The following CNBD1 variants were observed in gnomAD, a reference collection of about 807,000 sequenced individuals.
CNBD1 encodes cyclic nucleotide-binding domain-containing protein 1.
A neutral mutation model predicts 54.4 loss-of-function variants in CNBD1; 71 were observed. The ratio of observed to expected loss-of-function variants is 1.30; its 90% CI spans 1.08 to 1.59. The LOEUF (loss-of-function observed/expected upper bound fraction) is 1.59, where lower values mean the gene tolerates loss of function less well. Among genes scored for constraint, CNBD1 ranks in the 40% most tolerant of loss-of-function variants. The pLI is 0.00. For missense variants in CNBD1, 659 were observed against 518.0 expected, an observed-to-expected ratio of 1.27 and a Z score of -2.64; for synonymous variants, 182 against 170.7, an observed-to-expected ratio of 1.07 and a Z score of -0.51.
In CNBD1 at chr8:87,349,673, C is replaced by T. The variant is rs183998618; in HGVS notation, c.1043-2012C>T. 9.9e-5 allele frequency among the ~76,000 whole-genome samples: 15 copies of T among 152,280 alleles called. No homozygotes were observed. The South Asian group carries it at 3.1e-3, about 32-fold the overall frequency. On this transcript the variant is annotated intron_variant, in intron 8 of 10. Transcript: ENST00000518476. Reference sequence around the variant, plus strand: ...TACAGGCGTGAGCCACCGCGCCTGACCAGAATATATGATTTTTATATGTAT... The same window carrying T: ...TACAGGCGTGAGCCACCGCGCCTGATCAGAATATATGATTTTTATATGTAT...
chr8:87,028,377 AG>A (rs755414452), intron 4 of CNBD1, among the ~76,000 whole-genome samples: 16 of 152,222 alleles, frequency 1.1e-4, no homozygotes, highest in Non-Finnish European at 2.2e-4. Context: ...TAAGACTCCC[AG>A]TCCTTGGCAG....
intron 1 of CNBD1, among the ~76,000 whole-genome samples, chr8:86,883,905 A>G: frequency 6.6e-6 from 1 of 152,002 alleles, no homozygotes; most frequent in East Asian, 1.9e-4. Context: ...TAATCCCAGC[A>G]CTTTGGGAGG....
intron 3 of CNBD1, among the ~76,000 whole-genome samples, chr8:86,910,780 T>G: frequency 6.6e-6 from 1 of 151,636 alleles, no homozygotes; most frequent in East Asian, 1.9e-4. Context: ...CACAACAGAG[T>G]GAGGTTAAGA....
chr8:86,988,444 CA>C (rs1472798605), intron 4 of CNBD1, among the ~76,000 whole-genome samples: 1 of 151,924 alleles, frequency 6.6e-6, no homozygotes, highest in South Asian at 2.1e-4. Context: ...AATATAGGCA[CA>C]AAATACATAA....
At chr8:87,298,890 C>T (rs567147647) in intron 8 of CNBD1, among the ~76,000 whole-genome samples, 4 of 152,152 alleles carry the variant, frequency 2.6e-5, no homozygotes, top group South Asian at 4.1e-4. Context: ...TACTTTCACA[C>T]ACATTGTCTC....
At chr8:86,887,744 G>A (rs887948545) in intron 2 of CNBD1, 133 bp downstream of exon 2, 2 of 594,518 alleles carry the variant, frequency 3.4e-6, no homozygotes, top group Non-Finnish European at 5.8e-6. Flanking sequence ...AAAAACAGTT[G>A]AAAACCTGGG....
chr8:86,927,933 T>C (rs1809391274), intron 3 of CNBD1, among the ~76,000 whole-genome samples: 1 of 152,100 alleles, frequency 6.6e-6, no homozygotes, highest in Non-Finnish European at 1.5e-5. Context: ...CTGATGGTCT[T>C]GCAGGTTCCT....
chr8:87,003,230 T>C (rs1286019087), intron 4 of CNBD1, among the ~76,000 whole-genome samples: 2 of 152,234 alleles, frequency 1.3e-5, no homozygotes, highest in Admixed American at 1.3e-4. Flanking sequence ...GATTGTTCCA[T>C]GTTGTATGGT....
At chr8:87,017,356 G>A (rs889592518) in intron 4 of CNBD1, among the ~76,000 whole-genome samples, 5 of 151,992 alleles carry the variant, frequency 3.3e-5, no homozygotes, top group Non-Finnish European at 5.9e-5. Flanking sequence ...TAAATTCTCC[G>A]CTGCATAGCC....
At chr8:87,416,472 G>A (rs1323371634) in intron 2 of CNBD1, among the ~76,000 whole-genome samples, 1 of 151,992 alleles carries the variant, frequency 6.6e-6, no homozygotes, top group Non-Finnish European at 1.5e-5. Flanking sequence ...ATCCAGCTCT[G>A]GGGAAGCCTT....
intron 5 of CNBD1, among the ~76,000 whole-genome samples, chr8:87,222,051 C>G (rs1483527997): frequency 6.6e-6 from 1 of 152,004 alleles, no homozygotes; most frequent in Non-Finnish European, 1.5e-5. Flanking sequence ...GTTATCTTAT[C>G]TCTGCAATCA....
chr8:87,065,320 TTATG>T (rs1026260014), intron 4 of CNBD1, among the ~76,000 whole-genome samples: 4 of 152,002 alleles, frequency 2.6e-5, no homozygotes, highest in South Asian at 4.1e-4. Context: ...GATTATTTAT[TTATG>T]TGACAAGTCA....
chr8:86,914,983 G>A (rs1809160631), intron 3 of CNBD1, among the ~76,000 whole-genome samples: 4 of 152,322 alleles, frequency 2.6e-5, no homozygotes, highest in African/African-American at 9.6e-5. Flanking sequence ...TCAAGGCAGG[G>A]AAATTGCAGT....
At chr8:87,006,874 G>A (rs548313397) in intron 4 of CNBD1, among the ~76,000 whole-genome samples, 2 of 152,248 alleles carry the variant, frequency 1.3e-5, no homozygotes, top group East Asian at 1.9e-4. Context: ...ACTTTCTTAT[G>A]TTAGTACGTA....
intron 2 of CNBD1, among the ~76,000 whole-genome samples, chr8:87,426,997 A>C (rs961249011): frequency 2.6e-5 from 4 of 152,116 alleles, no homozygotes; most frequent in African/African-American, 7.2e-5. Context: ...AATCATGTAA[A>C]CTTTGGCTTG....
intron 4 of CNBD1, among the ~76,000 whole-genome samples, chr8:87,118,278 G>A (rs541948927): frequency 7.6e-6 from 1 of 131,454 alleles, no homozygotes; most frequent in East Asian, 2.5e-4. Context: ...TTGCACAACT[G>A]CCCTCCAGCC....
intron 8 of CNBD1, among the ~76,000 whole-genome samples, chr8:87,305,404 A>C (rs1468095378): frequency 6.6e-6 from 1 of 152,116 alleles, no homozygotes; most frequent in South Asian, 2.1e-4. Flanking sequence ...TAGAAAAAAC[A>C]ATTCTAAAAT....
intron 4 of CNBD1, among the ~76,000 whole-genome samples, chr8:87,194,878 T>TTTTG (rs777334219): frequency 6.6e-6 from 1 of 151,956 alleles, no homozygotes; most frequent in African/African-American, 2.4e-5. Flanking sequence ...TTGTTTTTTG[T>TTTTG]TTTGTTTGTT....
intron 10 of CNBD1, among the ~76,000 whole-genome samples, chr8:87,369,076 A>T: frequency 6.6e-6 from 1 of 151,994 alleles, no homozygotes; most frequent in Non-Finnish European, 1.5e-5. Flanking sequence ...AATTTTTTTA[A>T]TCCATTATCC....
Sources: gnomAD v4.1 joint callset for allele counts (sites outside exome capture counted in the v4.1 genomes callset) on GRCh38, gnomAD v4.1.1 for gene constraint, MANE v1.5 for transcripts, NCBI Gene and HGNC (gene_info 2026-07-23, HGNC 2026-07-21) for gene names.